The following FYN variants were observed in gnomAD, a reference collection of about 807,000 sequenced individuals.
FYN encodes FYN proto-oncogene, Src family tyrosine kinase, also known as tyrosine-protein kinase Fyn.
A neutral mutation model predicts 70.2 loss-of-function variants in FYN; 10 were observed. The ratio of observed to expected loss-of-function variants is 0.14; its 90% CI spans 0.09 to 0.24. The LOEUF (loss-of-function observed/expected upper bound fraction) is 0.24. Ranked by LOEUF, FYN falls within the 10% of genes least tolerant of loss-of-function variation. FYN has a pLI of 1.00. For synonymous variants in FYN, 236 were observed against 248.6 expected (o/e 0.95, Z 0.48); for missense variants, 319 against 673.1 (o/e 0.47, Z 5.82).
intron 1 of FYN, among the ~76,000 whole-genome samples, chr6:111,865,583 A>C (rs1368793501): frequency 2.6e-5 from 4 of 152,206 alleles, no homozygotes; most frequent in African/African-American, 7.2e-5. Flanking sequence ...GGATAATACC[A>C]TTCAGGCTTC....
intron 3 of FYN, among the ~76,000 whole-genome samples, chr6:111,776,358 G>C (rs1291906781): frequency 6.6e-6 from 1 of 152,092 alleles, no homozygotes; most frequent in Admixed American, 6.5e-5. Context: ...GTGCCAACAC[G>C]GTGTTTTTAT....
chr6:111,813,542 A>C (rs1429596065), intron 2 of FYN, among the ~76,000 whole-genome samples: 1 of 152,150 alleles, frequency 6.6e-6, no homozygotes, highest in African/African-American at 2.4e-5. Flanking sequence ...ACTTTATTGG[A>C]ATTTGCTTGG....
At chr6:111,844,370 T>A (rs1228853094) in intron 2 of FYN, among the ~76,000 whole-genome samples, 3 of 152,212 alleles carry the variant, frequency 2.0e-5, no homozygotes, top group African/African-American at 7.2e-5. Flanking sequence ...CCAACAGGTA[T>A]CATTTACTTA....
chr6:111,745,735 A>G (rs1217430646), intron 3 of FYN, among the ~76,000 whole-genome samples: 1 of 152,232 alleles, frequency 6.6e-6, no homozygotes, highest in Non-Finnish European at 1.5e-5. Context: ...AAAGATTTAA[A>G]ATTTGATGTA....
At chr6:111,828,925 A>G in intron 2 of FYN, among the ~76,000 whole-genome samples, 1 of 152,192 alleles carries the variant, frequency 6.6e-6, no homozygotes, top group Non-Finnish European at 1.5e-5. Flanking sequence ...TAAAAAAACA[A>G]CACATTAAAC....
At chr6:111,824,723 T>G (rs561656991) in intron 2 of FYN, among the ~76,000 whole-genome samples, 38 of 152,310 alleles carry the variant, frequency 2.5e-4, no homozygotes, top group African/African-American at 7.2e-4. Context: ...CTCAGGTCTC[T>G]TATGCCTTCT....
chr6:111,827,473 G>A (rs576153429), intron 2 of FYN, among the ~76,000 whole-genome samples: 1 of 152,244 alleles, frequency 6.6e-6, no homozygotes, highest in South Asian at 2.1e-4. Flanking sequence ...TTAAGCCAGT[G>A]TGTAGAGGAA....
intron 2 of FYN, chr6:111,780,952 G>C (rs1311825195): frequency 1.3e-5 from 2 of 152,148 alleles, no homozygotes; most frequent in African/African-American, 4.8e-5. Context: ...ATCTGCAGTT[G>C]AACTCACAAC....
intron 7 of FYN, among the ~76,000 whole-genome samples, chr6:111,703,292 C>A (rs1799925406): frequency 6.6e-6 from 1 of 152,096 alleles, no homozygotes; most frequent in South Asian, 2.1e-4. Flanking sequence ...CTGTTCGGTA[C>A]CCCTTGTTGC....
rs772105415 is a variant in FYN at position 111,719,830 on chromosome 6, C to T, written c.222G>A (p.Gly74=). Residue 74 remains glycine (G), a synonymous_variant, in exon 4 of 14, where the codon GGG becomes GGA. Transcript: ENST00000354650. ...FGGVNSSSHT[G]TLRTRGGTGV... is the part of the protein sequence containing the mutation. ...CTGTTCCTCCTCTCGTACGCAAGGTCCCCGTATGAGACGAAGAGTTCACAC... is the reference window on the plus strand; with the variant it reads ...CTGTTCCTCCTCTCGTACGCAAGGTTCCCGTATGAGACGAAGAGTTCACAC... The T allele has an allele frequency of 6.2e-7, 1 of 1,614,120 alleles. No individual in the cohort carries two copies. Among genetic ancestry groups the T allele is most frequent in the South Asian group, 1.1e-5 (1 of 91,058 alleles).
intron 13 of FYN, among the ~76,000 whole-genome samples, chr6:111,662,441 C>T (rs1300512926): frequency 6.6e-6 from 1 of 152,152 alleles, no homozygotes; most frequent in Admixed American, 6.5e-5. Flanking sequence ...TTTAACAACC[C>T]TTTAAAAACG....
At chr6:111,768,008 C>G (rs1342479603) in intron 3 of FYN, among the ~76,000 whole-genome samples, 1 of 152,216 alleles carries the variant, frequency 6.6e-6, no homozygotes, top group Non-Finnish European at 1.5e-5. Flanking sequence ...ACTCACACCT[C>G]AGGAATCACG....
intron 2 of FYN, among the ~76,000 whole-genome samples, chr6:111,787,280 G>A (rs147890983): frequency 0.011 from 1,602 of 152,094 alleles, 16 homozygotes; most frequent in African/African-American, 0.021. Context: ...AGCTTTCTAC[G>A]TATGGCTAGC....
Position 111,695,717 on chromosome 6 carries a change from G to A in FYN, c.1042+560C>T, listed in dbSNP as rs567648510. Among the ~76,000 whole-genome samples the A allele has an allele frequency of 9.2e-5, 14 of 152,276 alleles. No individual in the cohort carries two copies. In the South Asian group the frequency reaches 2.9e-3, roughly 32 times the overall value. ...ATTTTTCCAAAACAAAATGATCTCT[G>A]GCCTTATCCCTAACAATGCTGGTTT... On this transcript the variant is annotated intron_variant, in intron 10 of 13. Transcript: ENST00000354650.
intron 2 of FYN, among the ~76,000 whole-genome samples, chr6:111,807,910 C>T (rs112938874): frequency 0.027 from 4,099 of 152,134 alleles, 70 homozygotes; most frequent in Middle Eastern, 0.065. Flanking sequence ...GAGTTCAAGA[C>T]CAGCTTGGTC....
Position 111,707,932 on chromosome 6 carries a change from G to C in FYN, c.433C>G (p.Gln145Glu), listed in dbSNP as rs778635709. 2 of 1,612,174 alleles carry C rather than the reference G, an allele frequency of 1.2e-6. No homozygotes were observed. The highest frequency in any genetic ancestry group is 1.7e-5 in the Admixed American group (1 of 60,008). ...CAAAATGAAACATACTCTTCTGCCT[G>C]GATAGAGTCAACTGGAGCCACATAA... is the stretch of plus-strand genomic sequence containing the variant. ...SNYVAPVDSI[Q>E]AEEWYFGKLG... Residue 145 changes from glutamine (Q) to glutamate (E), a missense_variant, in exon 6 of 14, where the codon CAG becomes GAG. Physicochemically the swap from Gln to Glu is conservative, Grantham distance 29. Around this residue, in one of 4 missense-constraint regions of FYN, gnomAD observed 128 missense variants for 183.9 expected, o/e 0.70. Coordinates refer to ENST00000354650, the MANE Select transcript of FYN (RefSeq NM_002037.5).
intron 2 of FYN, among the ~76,000 whole-genome samples, chr6:111,789,503 C>T (rs560974205): frequency 6.6e-6 from 1 of 152,212 alleles, no homozygotes; most frequent in African/African-American, 2.4e-5. Context: ...CATGAGTACC[C>T]AGTTTATTTG....
intron 1 of FYN, among the ~76,000 whole-genome samples, chr6:111,869,184 T>G (rs1327304532): frequency 6.6e-6 from 1 of 152,196 alleles, no homozygotes; most frequent in Non-Finnish European, 1.5e-5. Flanking sequence ...TCATGGAGAT[T>G]TGGAAGCTCA....
chr6:111,725,576 C>T (rs1801153935), intron 3 of FYN, among the ~76,000 whole-genome samples: 1 of 152,154 alleles, frequency 6.6e-6, no homozygotes, highest in Non-Finnish European at 1.5e-5. Context: ...GAGAAAAAGT[C>T]ACTGCTGGGT....
Sources: gnomAD v4.1 joint callset for allele counts (sites outside exome capture counted in the v4.1 genomes callset) on GRCh38, gnomAD v4.1.1 for gene constraint, gnomAD v4.1.1 regional missense constraint, MANE v1.5 for transcripts, NCBI Gene and HGNC (gene_info 2026-07-23, HGNC 2026-07-21) for gene names.